Variants in BICC1 observed in about 807,000 individuals in gnomAD.
The protein encoded by BICC1 is BicC family RNA binding protein 1, also known as protein bicaudal C homolog 1.
Under a neutral mutation model 111.0 loss-of-function variants are expected in BICC1, and 43 were observed. The ratio of observed to expected loss-of-function variants is 0.39; its 90% CI spans 0.30 to 0.50. The LOEUF is 0.50. BICC1 is among the 20% of genes least tolerant of loss of function. BICC1 has a pLI of 0.88. For missense variants in BICC1, 1,091 were observed against 1,203.2 expected, an observed-to-expected ratio of 0.91 and a Z score of 1.38; for synonymous variants, 467 against 434.4, an observed-to-expected ratio of 1.07 and a Z score of -0.93.
rs139773677 is a variant in BICC1, at chr10:58,698,101, G to C, written c.238-3973G>C. Among the ~76,000 whole-genome samples the C allele has an allele frequency of 7.0e-3, 1,064 of 152,336 alleles. 11 individuals carry two copies. The highest frequency in any genetic ancestry group is 0.024 in the African/African-American group (1,007 of 41,566). ...AGGAAAATTTTGACTTCCCGAAAGTGAGTAAGTGTGGCCCCTTCCTATGTG... is the reference window on the plus strand; with the variant it reads ...AGGAAAATTTTGACTTCCCGAAAGTCAGTAAGTGTGGCCCCTTCCTATGTG... On this transcript the variant is annotated intron_variant, in intron 2 of 20. Transcript: ENST00000373886.
intron 1 of BICC1, among the ~76,000 whole-genome samples, chr10:58,585,728 T>C (rs1844409935): frequency 6.6e-6 from 1 of 152,178 alleles, no homozygotes; most frequent in South Asian, 2.1e-4. Flanking sequence ...ATGGATTATC[T>C]CAGATATGGA....
intron 17 of BICC1, among the ~76,000 whole-genome samples, chr10:58,811,563 G>T (rs1041029111): frequency 6.6e-6 from 1 of 152,024 alleles, no homozygotes; most frequent in African/African-American, 2.4e-5. Flanking sequence ...AGGAGTCCTT[G>T]AGATTAATTC....
intron 2 of BICC1, among the ~76,000 whole-genome samples, chr10:58,687,475 C>A (rs576568723): frequency 7.2e-5 from 11 of 152,332 alleles, no homozygotes; most frequent in African/African-American, 2.2e-4. Context: ...GAGGTGGAGT[C>A]TACAGAGGGA....
At chr10:58,794,165 T>TG (rs777477278) in intron 9 of BICC1, among the ~76,000 whole-genome samples, 20 of 138,296 alleles carry the variant, frequency 1.4e-4, no homozygotes, top group South Asian at 2.5e-4. Context: ...CTTACATGTT[T>TG]TGTGTGTGTG....
At chr10:58,744,768 G>A (rs559392937) in intron 3 of BICC1, among the ~76,000 whole-genome samples, 1 of 151,986 alleles carries the variant, frequency 6.6e-6, no homozygotes, top group Admixed American at 6.6e-5. Flanking sequence ...ATCTGCCTCT[G>A]GACCAGGGTT....
chr10:58,686,791 G>C (rs1286076988), intron 2 of BICC1, among the ~76,000 whole-genome samples: 3 of 152,128 alleles, frequency 2.0e-5, no homozygotes, highest in Non-Finnish European at 4.4e-5. Flanking sequence ...AAGGTTTTCA[G>C]CTTCTTTGCG....
intron 3 of BICC1, among the ~76,000 whole-genome samples, chr10:58,710,094 A>G (rs1840526151): frequency 6.6e-6 from 1 of 152,214 alleles, no homozygotes; most frequent in Non-Finnish European, 1.5e-5. Context: ...TTTTATGTAC[A>G]TAATCTTTTC....
rs544570331 is a variant in BICC1, at chr10:58,798,054, A to T, written c.1367-345A>T. ...AGCAGATGACAAATGAGTTATGCAG[A>T]AGAATAAAAATGAGTTTCCACTTGA... On this transcript the variant is annotated intron_variant, in intron 10 of 20. Coordinates refer to ENST00000373886, the MANE Select transcript of BICC1 (RefSeq NM_001080512.3). Among the ~76,000 whole-genome samples, 9 of 152,324 alleles carry T rather than the reference A, an allele frequency of 5.9e-5. No individual in the cohort carries two copies. The East Asian group carries it at 1.7e-3, about 29-fold the overall frequency.
intron 1 of BICC1, among the ~76,000 whole-genome samples, chr10:58,538,963 C>T (rs1272391163): frequency 6.6e-6 from 1 of 151,822 alleles, no homozygotes; most frequent in African/African-American, 2.4e-5. Context: ...AAAAGGAACA[C>T]TTATACACTG....
chr10:58,746,008 T>G (rs1024811545), intron 3 of BICC1, among the ~76,000 whole-genome samples: 2 of 152,066 alleles, frequency 1.3e-5, no homozygotes, highest in African/African-American at 4.8e-5. Flanking sequence ...TGAGAGAGGT[T>G]GAAGGAAGGG....
At chr10:58,813,690 C>T (rs1589165307) in intron 17 of BICC1, 140 bp from the exon 18 acceptor site, 8 of 847,594 alleles carry the variant, frequency 9.4e-6, no homozygotes, top group South Asian at 5.1e-5. Context: ...ACAGCCTTCC[C>T]GAGAGTCAAC....
At position 58,638,335 on chromosome 10, in the gene BICC1, G is replaced by T. The variant is rs148639322; in HGVS notation, c.237+17434G>T. ...ACAGAGTTAAAAAAAAAGGCCATTT[G>T]AAAAAAACAGCTTAAAAATGTCAAA... On this transcript the variant is annotated intron_variant, in intron 2 of 20. Coordinates refer to ENST00000373886, the MANE Select transcript of BICC1 (RefSeq NM_001080512.3). 5.3e-4 allele frequency among the ~76,000 whole-genome samples: 80 copies of T among 151,956 alleles called. 1 individual carries two copies. The East Asian group carries it at 0.015, about 29-fold the overall frequency.
chr10:58,710,310 C>T (rs564104076), intron 3 of BICC1, among the ~76,000 whole-genome samples: 27 of 152,248 alleles, frequency 1.8e-4, no homozygotes, highest in Admixed American at 8.5e-4. Flanking sequence ...ACACCCATAC[C>T]TTCCATGGTG....
At chr10:58,756,362 T>TG (rs879318459) in intron 3 of BICC1, among the ~76,000 whole-genome samples, 1 of 152,146 alleles carries the variant, frequency 6.6e-6, no homozygotes, top group African/African-American at 2.4e-5. Context: ...ATTTTGTGTG[T>TG]GGGGGTGGAG....
At chr10:58,783,826 T>C (rs922920949) in intron 3 of BICC1, among the ~76,000 whole-genome samples, 1 of 152,204 alleles carries the variant, frequency 6.6e-6, no homozygotes, top group African/African-American at 2.4e-5. Context: ...ATAAAGCTGA[T>C]GGGTATAGAA....
intron 1 of BICC1, among the ~76,000 whole-genome samples, chr10:58,515,725 G>C (rs1425714598): frequency 6.6e-6 from 1 of 152,174 alleles, no homozygotes; most frequent in East Asian, 1.9e-4. Flanking sequence ...TTTGCCTTCA[G>C]TTTGCCCATC....
At chr10:58,715,773 G>GA in intron 3 of BICC1, 2 of 1,456,346 alleles carry the variant, frequency 1.4e-6, no homozygotes, top group African/African-American at 2.8e-5. Context: ...GAAAGAACTG[G>GA]AAAAACACAG....
intron 3 of BICC1, among the ~76,000 whole-genome samples, chr10:58,759,304 A>T (rs1246834345): frequency 6.6e-6 from 1 of 152,156 alleles, no homozygotes; most frequent in Non-Finnish European, 1.5e-5. Context: ...AGCAAAAATG[A>T]TTCAATATAA....
chr10:58,693,866 TTAGATCCCATTTGTC>T, intron 2 of BICC1, among the ~76,000 whole-genome samples: 1 of 152,290 alleles, frequency 6.6e-6, no homozygotes, highest in Non-Finnish European at 1.5e-5. Context: ...TTTAGTTTAA[TTAGATCCCATTTGTC>T]AATTTTGGCT....
Sources: gnomAD v4.1 joint callset for allele counts (sites outside exome capture counted in the v4.1 genomes callset) on GRCh38, gnomAD v4.1.1 for gene constraint, MANE v1.5 for transcripts, NCBI Gene and HGNC (gene_info 2026-07-23, HGNC 2026-07-21) for gene names.